Variants in PRKG1 observed in about 807,000 individuals in gnomAD.
PRKG1 encodes the protein protein kinase cGMP-dependent 1.
A neutral mutation model predicts 88.1 loss-of-function variants in PRKG1; 35 were observed. The observed-to-expected ratio is 0.40, with a 90% CI of 0.30 to 0.53. PRKG1 has a LOEUF of 0.53. PRKG1 is among the 20% of genes least tolerant of loss of function. The probability of loss-of-function intolerance (pLI) is 0.59; values close to 1 mark genes in which losing one functional copy is unlikely to be tolerated. For missense variants in PRKG1, 540 were observed against 839.8 expected (o/e 0.64, Z 4.41); for synonymous variants, 303 against 292.5 (o/e 1.04, Z -0.37).
At chr10:51,471,210 C>G (rs919522785) in intron 3 of PRKG1, among the ~76,000 whole-genome samples, 5 of 152,038 alleles carry the variant, frequency 3.3e-5, no homozygotes, top group African/African-American at 1.2e-4. Flanking sequence ...AAAATGACCA[C>G]TTTGTATCTT....
intron 3 of PRKG1, among the ~76,000 whole-genome samples, chr10:51,650,206 C>G (rs1268905095): frequency 6.6e-6 from 1 of 152,158 alleles, no homozygotes; most frequent in Admixed American, 6.5e-5. Flanking sequence ...TGCTTTTTCC[C>G]TCTTGTGGAA....
At chr10:51,831,414 A>G (rs1477080366) in intron 4 of PRKG1, among the ~76,000 whole-genome samples, 1 of 152,186 alleles carries the variant, frequency 6.6e-6, no homozygotes, top group Non-Finnish European at 1.5e-5. Context: ...GTCTATTTTA[A>G]ACTTTTCTCC....
intron 3 of PRKG1, among the ~76,000 whole-genome samples, chr10:51,470,285 G>T (rs1166348662): frequency 1.3e-5 from 2 of 151,648 alleles, no homozygotes; most frequent in African/African-American, 4.8e-5. Flanking sequence ...ATGTCATTTG[G>T]AGTATCAAAT....
At chr10:51,175,036 A>G (rs1837153384) in intron 2 of PRKG1, among the ~76,000 whole-genome samples, 1 of 152,022 alleles carries the variant, frequency 6.6e-6, no homozygotes, top group Non-Finnish European at 1.5e-5. Flanking sequence ...GTGAATTCCC[A>G]TTCAGTTTAA....
chr10:51,952,082 C>A (rs1184166150), intron 5 of PRKG1, among the ~76,000 whole-genome samples: 7 of 152,092 alleles, frequency 4.6e-5, no homozygotes, highest in African/African-American at 1.4e-4. Flanking sequence ...GCCTACAAAG[C>A]CTAAAATGTT....
intron 1 of PRKG1, among the ~76,000 whole-genome samples, chr10:51,117,762 T>C (rs920575970): frequency 1.3e-5 from 2 of 152,244 alleles, no homozygotes; most frequent in Non-Finnish European, 2.9e-5. Context: ...ACATACCTTA[T>C]TGATTCCTTA....
intron 1 of PRKG1, among the ~76,000 whole-genome samples, chr10:51,078,282 G>A (rs1240183759): frequency 1.3e-5 from 2 of 151,300 alleles, no homozygotes; most frequent in South Asian, 2.1e-4. Flanking sequence ...GCAGTGGCAC[G>A]ATCTTGGCTC....
intron 5 of PRKG1, among the ~76,000 whole-genome samples, chr10:51,961,187 G>C (rs1446335214): frequency 1.3e-5 from 2 of 151,996 alleles, no homozygotes; most frequent in Admixed American, 6.6e-5. Flanking sequence ...TTGATATTGT[G>C]GGGGGAGGAT....
intron 3 of PRKG1, among the ~76,000 whole-genome samples, chr10:51,803,768 T>G (rs1393744630): frequency 1.3e-5 from 2 of 152,174 alleles, no homozygotes; most frequent in Non-Finnish European, 1.5e-5. Flanking sequence ...TCATGAAAAT[T>G]TGAAAACATA....
At chr10:51,839,462 A>G (rs12765252) in intron 4 of PRKG1, among the ~76,000 whole-genome samples, 8,708 of 152,272 alleles carry the variant, frequency 0.057, 244 homozygotes, top group African/African-American at 0.08. Context: ...TGTATTTAGA[A>G]TAAGAAAGTG....
In PRKG1 at chr10:51,224,845, G is replaced by A. The variant is rs1187180920; in HGVS notation, c.478+71515G>A. Among the ~76,000 whole-genome samples the A allele has an allele frequency of 2.0e-5, 3 of 152,140 alleles. No individual in the cohort carries two copies. In the East Asian group the frequency reaches 5.8e-4, roughly 29 times the overall value. ...ACATATGGTTGAAATTATAGGGAGG[G>A]TTGAGGTGGGCAGAATCTGGCCCAG... On this transcript the variant is annotated intron_variant, in intron 2 of 17. Transcript: ENST00000373980.
chr10:51,151,598 C>T (rs1278759312), intron 1 of PRKG1, among the ~76,000 whole-genome samples: 6 of 150,942 alleles, frequency 4.0e-5, no homozygotes, highest in African/African-American at 1.5e-4. Context: ...TTAGTAGGCA[C>T]ATACATTCTT....
At chr10:51,742,100 G>A (rs1837449567) in intron 3 of PRKG1, among the ~76,000 whole-genome samples, 1 of 152,140 alleles carries the variant, frequency 6.6e-6, no homozygotes, top group South Asian at 2.1e-4. Flanking sequence ...CTTCCTTAGG[G>A]AAGAGACACA....
At chr10:51,837,603 T>C (rs17630940) in intron 4 of PRKG1, among the ~76,000 whole-genome samples, 10,870 of 152,182 alleles carry the variant, frequency 0.071, 476 homozygotes, top group Non-Finnish European at 0.092. Context: ...TGATTCTTCA[T>C]CTACTCTGGA....
At chr10:51,357,173 A>T (rs1429328653) in intron 2 of PRKG1, among the ~76,000 whole-genome samples, 1 of 151,978 alleles carries the variant, frequency 6.6e-6, no homozygotes, top group African/African-American at 2.4e-5. Context: ...GCAGGTGAGA[A>T]ATGAGAGGAA....
chr10:51,884,005 CAA>C (rs1270951883), intron 4 of PRKG1, among the ~76,000 whole-genome samples: 2 of 120,208 alleles, frequency 1.7e-5, no homozygotes, highest in Admixed American at 9.6e-5. Context: ...TCCTGAAACT[CAA>C]GTTAGTCTTT....
rs564656978 is a variant in PRKG1 at position 51,109,427 on chromosome 10, C to T, written c.311+34526C>T. Among the ~76,000 whole-genome samples, 4 of 152,082 alleles carry T rather than the reference C, an allele frequency of 2.6e-5. No homozygotes were observed. In the East Asian group the frequency reaches 5.8e-4, roughly 22 times the overall value. ...AGTCCAGAAACCGACAACTGCCCCC[C>T]CAACACATATATAGATACATGATTT... On this transcript the variant is annotated intron_variant, in intron 1 of 17. Transcript: ENST00000373980.
intron 12 of PRKG1, among the ~76,000 whole-genome samples, chr10:52,280,433 T>C (rs933007782): frequency 2.6e-5 from 4 of 152,192 alleles, no homozygotes; most frequent in African/African-American, 7.2e-5. Flanking sequence ...AGCTCTAAAA[T>C]AGGATTATTT....
chr10:51,314,688 T>C (rs1349665792), intron 2 of PRKG1, among the ~76,000 whole-genome samples: 2 of 152,226 alleles, frequency 1.3e-5, no homozygotes, highest in African/African-American at 4.8e-5. Context: ...ATACAGGAAG[T>C]AAACATTCAT....
Sources: gnomAD v4.1 joint callset for allele counts (sites outside exome capture counted in the v4.1 genomes callset) on GRCh38, gnomAD v4.1.1 for gene constraint, MANE v1.5 for transcripts, NCBI Gene and HGNC (gene_info 2026-07-23, HGNC 2026-07-21) for gene names.